The following COL22A1 variants were observed in gnomAD, a reference collection of about 807,000 sequenced individuals.
COL22A1 encodes collagen alpha-1(XXII) chain.
A neutral mutation model predicts 248.9 loss-of-function variants in COL22A1; 221 were observed. The ratio of observed to expected loss-of-function variants is 0.89; its 90% CI spans 0.80 to 0.99. The LOEUF (loss-of-function observed/expected upper bound fraction) is 0.99, where lower values mean the gene tolerates loss of function less well. Ranked by LOEUF, COL22A1 falls within the 50% of genes least tolerant of loss-of-function variation. The probability of loss-of-function intolerance (pLI) is 0.00; values close to 1 mark genes in which losing one functional copy is unlikely to be tolerated. For missense variants in COL22A1, 2,240 were observed against 2,179.0 expected, an observed-to-expected ratio of 1.03 and a Z score of -0.56; for synonymous variants, 891 against 793.4, an observed-to-expected ratio of 1.12 and a Z score of -2.07.
intron 23 of COL22A1, among the ~76,000 whole-genome samples, chr8:138,734,909 C>T (rs1304225167): frequency 1.3e-5 from 2 of 152,118 alleles, no homozygotes; most frequent in Admixed American, 6.5e-5. Flanking sequence ...AGCAAACTAA[C>T]ACTGGAACAG....
intron 32 of COL22A1, among the ~76,000 whole-genome samples, chr8:138,698,172 G>A (rs1254099312): frequency 1.3e-5 from 2 of 152,204 alleles, no homozygotes; most frequent in African/African-American, 2.4e-5. Flanking sequence ...GTCAGGGGCA[G>A]GGGGAGGCAA....
intron 24 of COL22A1, 95 bp from the exon 25 acceptor site, chr8:138,724,763 G>A: frequency 8.2e-7 from 1 of 1,225,810 alleles, no homozygotes; most frequent in Non-Finnish European, 1.2e-6. Flanking sequence ...AGGCCTCTGG[G>A]TCTGAGGAGG....
At position 138,832,994 on chromosome 8, in the gene COL22A1, C is replaced by T. The variant is rs759165741; in HGVS notation, c.845+45G>A. 6.7e-6 allele frequency: 9 copies of T among 1,345,084 alleles called. No homozygotes were observed. In the Admixed American group the frequency reaches 1.3e-4, roughly 20 times the overall value. The allele number at this position is 1,345,084 out of a possible 1,614,324, so 83.3% of individuals were successfully genotyped here. The stretch of plus-strand genomic sequence containing the variant: ...CTGCTGGGCCCCTTTCTTGCCCTTT[C>T]CCATGACACCCTGGGCAGGTCTGGA... On this transcript the variant is annotated intron_variant, in intron 5 of 64. Coordinates refer to ENST00000303045, the MANE Select transcript of COL22A1 (RefSeq NM_152888.3).
chr8:138,870,047 T>G (rs1164715000), intron 3 of COL22A1, among the ~76,000 whole-genome samples: 1 of 151,394 alleles, frequency 6.6e-6, no homozygotes, highest in African/African-American at 2.4e-5. Context: ...TGTGGAGTAT[T>G]ATGTGGGCAC....
intron 1 of COL22A1, among the ~76,000 whole-genome samples, chr8:138,907,585 T>C (rs935591677): frequency 6.6e-6 from 1 of 152,250 alleles, no homozygotes; most frequent in African/African-American, 2.4e-5. Context: ...CTTTCATTAA[T>C]CTGCTCACTT....
intron 23 of COL22A1, among the ~76,000 whole-genome samples, chr8:138,728,357 A>G (rs1305470055): frequency 6.6e-6 from 1 of 152,046 alleles, no homozygotes; most frequent in East Asian, 1.9e-4. Flanking sequence ...AGGGCCTCAT[A>G]GCACCCCAAG....
intron 45 of COL22A1, among the ~76,000 whole-genome samples, chr8:138,651,727 G>T (rs1822755811): frequency 6.6e-6 from 1 of 151,268 alleles, no homozygotes; most frequent in South Asian, 2.1e-4. Flanking sequence ...ATGGATGCAC[G>T]GATGGATGGA....
intron 2 of COL22A1, among the ~76,000 whole-genome samples, chr8:138,881,583 G>A (rs1197203251): frequency 6.6e-6 from 1 of 152,262 alleles, no homozygotes; most frequent in Admixed American, 6.5e-5. Flanking sequence ...TATGCAGGAG[G>A]CTGAGGCAGG....
At position 138,853,694 on chromosome 8, in the gene COL22A1, A is replaced by G. The variant is rs60611470; in HGVS notation, c.659-9536T>C. On this transcript the variant is annotated intron_variant, in intron 3 of 64. Transcript: ENST00000303045. ...AAACATTTGGGATTAAGGCGGTGCT[A>G]GTGTAAGAAAGAAAAGAAAAAGGAA... is the stretch of plus-strand genomic sequence containing the variant. Among the ~76,000 whole-genome samples, 1,142 of 152,318 alleles carry G rather than the reference A, an allele frequency of 7.5e-3. 17 individuals carry two copies. Among genetic ancestry groups the G allele is most frequent in the African/African-American group, 0.026 (1,096 of 41,570 alleles).
chr8:138,613,929 AAGAC>A lies in COL22A1; in HGVS notation c.3925-13_3925-10del. 1 of 1,606,238 alleles carries A rather than the reference AAGAC, an allele frequency of 6.2e-7. No individual in the cohort carries two copies. Among genetic ancestry groups the A allele is most frequent in the Non-Finnish European group, 8.5e-7 (1 of 1,172,784 alleles). On this transcript the variant is annotated splice_polypyrimidine_tract_variant and intron_variant, in intron 55 of 64. Coordinates refer to ENST00000303045, the MANE Select transcript of COL22A1 (RefSeq NM_152888.3). ...GTGGGTCCAGTGTCACCCTGGAACA[AAGAC>A]AGAGAGATGGTGTCATCATCAAGTC... is the stretch of plus-strand genomic sequence containing the variant.
intron 27 of COL22A1, among the ~76,000 whole-genome samples, chr8:138,717,806 G>A (rs2131108840): frequency 6.6e-6 from 1 of 152,316 alleles, no homozygotes; most frequent in African/African-American, 2.4e-5. Context: ...CACTTCCCAG[G>A]TTCTTACAAA....
intron 3 of COL22A1, among the ~76,000 whole-genome samples, chr8:138,858,885 C>T (rs762741793): frequency 9.9e-5 from 15 of 152,072 alleles, no homozygotes; most frequent in Admixed American, 3.3e-4. Flanking sequence ...TCATGCAGCC[C>T]CTGGAGAGGA....
At chr8:138,740,971 C>T (rs1437088583) in intron 22 of COL22A1, among the ~76,000 whole-genome samples, 1 of 152,178 alleles carries the variant, frequency 6.6e-6, no homozygotes, top group African/African-American at 2.4e-5. Context: ...CCCTCCTGGG[C>T]CAACCTCTGC....
At chr8:138,659,445 T>G (rs1823592490) in intron 44 of COL22A1, among the ~76,000 whole-genome samples, 1 of 152,200 alleles carries the variant, frequency 6.6e-6, no homozygotes. Flanking sequence ...GTGAAGCTTC[T>G]GCCCAGGTGA....
At chr8:138,691,032 G>A (rs537111520) in intron 35 of COL22A1, among the ~76,000 whole-genome samples, 158 bp from the exon 36 acceptor site, 5 of 152,316 alleles carry the variant, frequency 3.3e-5, no homozygotes, top group Non-Finnish European at 7.3e-5. Context: ...TCTCCGGAGG[G>A]CTGTGGTGTC....
intron 53 of COL22A1, among the ~76,000 whole-genome samples, chr8:138,618,351 C>T (rs985953828): frequency 4.6e-5 from 7 of 152,186 alleles, no homozygotes; most frequent in Non-Finnish European, 7.3e-5. Context: ...GTCTTCTTTT[C>T]CCTGCCTGGC....
At chr8:138,691,767 CGTAA>C (rs1258048790) in intron 35 of COL22A1, among the ~76,000 whole-genome samples, 32 of 128,406 alleles carry the variant, frequency 2.5e-4, no homozygotes, top group Middle Eastern at 6.7e-3. Flanking sequence ...TATGTGTACA[CGTAA>C]GTGTGTGCAT....
At position 138,776,445 on chromosome 8, in the gene COL22A1, G is replaced by A. The variant is rs920925350; in HGVS notation, c.1759-435C>T. On this transcript the variant is annotated intron_variant, in intron 15 of 64. Transcript: ENST00000303045. ...AGAGAATGGCTCCTTTAAGGCAATC[G>A]CCCCTCCTCCCTCGGGGATAGGGTC... 9.9e-5 allele frequency among the ~76,000 whole-genome samples: 15 copies of A among 152,070 alleles called. 1 individual carries two copies. The highest frequency in any genetic ancestry group is 6.2e-4 in the South Asian group (3 of 4,812).
intron 47 of COL22A1, among the ~76,000 whole-genome samples, chr8:138,640,041 G>T (rs989514299): frequency 6.6e-6 from 1 of 152,188 alleles, no homozygotes; most frequent in Non-Finnish European, 1.5e-5. Context: ...TTGACAACAC[G>T]TATGTGATAG....
Sources: gnomAD v4.1 joint callset for allele counts (sites outside exome capture counted in the v4.1 genomes callset) on GRCh38, gnomAD v4.1.1 for gene constraint, MANE v1.5 for transcripts, NCBI Gene and HGNC (gene_info 2026-07-23, HGNC 2026-07-21) for gene names.